The following ATP2B2 variants were observed in gnomAD, a reference collection of about 807,000 sequenced individuals.
ATP2B2 encodes ATPase plasma membrane Ca2+ transporting 2, also known as plasma membrane calcium-transporting ATPase 2.
Under a neutral mutation model 120.0 loss-of-function variants are expected in ATP2B2, and 15 were observed. The observed-to-expected ratio is 0.12, with a 90% CI of 0.08 to 0.19. The LOEUF is 0.19. Among genes scored for constraint, ATP2B2 ranks in the 10% least tolerant of loss-of-function variants. The pLI, the probability that ATP2B2 is intolerant of heterozygous loss-of-function variation, is 1.00. For synonymous variants in ATP2B2, 694 were observed against 700.3 expected, an observed-to-expected ratio of 0.99 and a Z score of 0.14; for missense variants, 1,045 against 1,719.8, an observed-to-expected ratio of 0.61 and a Z score of 6.94.
intron 1 of ATP2B2, among the ~76,000 whole-genome samples, chr3:10,642,982 G>A (rs764635146): frequency 2.0e-5 from 3 of 152,156 alleles, no homozygotes; most frequent in African/African-American, 2.4e-5. Context: ...GTTGACAGCA[G>A]GACTGGGGCA....
At chr3:10,350,689 T>C in intron 14 of ATP2B2, 112 bp from the exon 15 acceptor site, 1 of 1,155,816 alleles carries the variant, frequency 8.7e-7, no homozygotes, top group Non-Finnish European at 1.2e-6. Flanking sequence ...GAAAGGGGAC[T>C]AGATGACTAT....
chr3:10,526,514 A>C (rs183193847), intron 3 of ATP2B2, among the ~76,000 whole-genome samples: 190 of 152,254 alleles, frequency 1.2e-3, no homozygotes, highest in Non-Finnish European at 1.8e-3. Context: ...GGGCTTTTAG[A>C]GGGGTGCTGT....
chr3:10,424,374 G>A (rs1461480640), intron 2 of ATP2B2, among the ~76,000 whole-genome samples: 1 of 152,172 alleles, frequency 6.6e-6, no homozygotes, highest in East Asian at 1.9e-4. Context: ...TGAAATCAAA[G>A]CTGACAACTC....
chr3:10,536,419 CTCTTCT>C (rs762176837), intron 2 of ATP2B2, among the ~76,000 whole-genome samples: 36 of 148,148 alleles, frequency 2.4e-4, no homozygotes, highest in East Asian at 9.8e-4. Flanking sequence ...TCTTCTGCTT[CTCTTCT>C]TCTTCTTCTT....
At chr3:10,572,126 C>A (rs527364489) in intron 2 of ATP2B2, among the ~76,000 whole-genome samples, 1 of 152,294 alleles carries the variant, frequency 6.6e-6, no homozygotes, top group Non-Finnish European at 1.5e-5. Flanking sequence ...CTATTTTAAA[C>A]TTGTTGGTTG....
intron 3 of ATP2B2, among the ~76,000 whole-genome samples, chr3:10,403,696 C>G (rs1205872469): frequency 1.3e-5 from 2 of 152,214 alleles, no homozygotes; most frequent in Non-Finnish European, 2.9e-5. Flanking sequence ...CCACGGGGGC[C>G]AGGTGGGGCA....
chr3:10,531,106 T>A (rs568470073), intron 3 of ATP2B2, among the ~76,000 whole-genome samples: 1 of 152,332 alleles, frequency 6.6e-6, no homozygotes, highest in East Asian at 1.9e-4. Context: ...TGGAACATCT[T>A]GGCAGTTGCA....
In ATP2B2 at chr3:10,636,628, C is replaced by T. The variant is rs185297556; in HGVS notation, c.-459-16667G>A. Among the ~76,000 whole-genome samples, 272 of 152,202 alleles carry T rather than the reference C, an allele frequency of 1.8e-3. 1 individual carries two copies. Among genetic ancestry groups the T allele is most frequent in the African/African-American group, 6.3e-3 (260 of 41,528 alleles). On this transcript the variant is annotated intron_variant, in intron 1 of 21. Coordinates refer to the ATP2B2 transcript ENST00000646379. ...TATACAAAACAACAGTTTGTTTGCA[C>T]GATGCTGGACATCAGACAACAATGG...
At chr3:10,532,975 C>T (rs538608571) in intron 3 of ATP2B2, among the ~76,000 whole-genome samples, 46 of 152,174 alleles carry the variant, frequency 3.0e-4, no homozygotes, top group Non-Finnish European at 5.4e-4. Context: ...CTGGGAAGGT[C>T]AGATGAGATG....
chr3:10,668,019 C>G (rs186875964), intron 1 of ATP2B2, among the ~76,000 whole-genome samples: 3 of 152,168 alleles, frequency 2.0e-5, no homozygotes, highest in African/African-American at 7.2e-5. Context: ...GGGGTGGGGG[C>G]GCTCAGTGGC....
intron 14 of ATP2B2, among the ~76,000 whole-genome samples, chr3:10,352,357 C>T (rs1376794783): frequency 6.6e-6 from 1 of 152,238 alleles, no homozygotes; most frequent in South Asian, 2.1e-4. Flanking sequence ...TGCTCTCTTT[C>T]AGGGGTTCCA....
chr3:10,485,903 C>G (rs986519887), intron 1 of ATP2B2, among the ~76,000 whole-genome samples: 1 of 152,174 alleles, frequency 6.6e-6, no homozygotes, highest in African/African-American at 2.4e-5. Flanking sequence ...GATCCATGCT[C>G]TGAGCACCCA....
At position 10,679,781 on chromosome 3, in the gene ATP2B2, T is replaced by A. The variant is rs1407809941; in HGVS notation, c.-460+28134A>T. Reference sequence around the variant, plus strand: ...GAGCTGCAGAAAGATATGTGCAATCTGGTGCCATTTATGGAAAGCTTAAAA... The same window carrying A: ...GAGCTGCAGAAAGATATGTGCAATCAGGTGCCATTTATGGAAAGCTTAAAA... On this transcript the variant is annotated intron_variant, in intron 1 of 21. Transcript: ENST00000646379. Among the ~76,000 whole-genome samples, 55 of 152,192 alleles carry A rather than the reference T, an allele frequency of 3.6e-4. 2 individuals are homozygous for A. Among genetic ancestry groups the A allele is most frequent in the Admixed American group, 3.5e-3 (54 of 15,284 alleles).
At position 10,627,108 on chromosome 3, in the gene ATP2B2, TC is replaced by T. The variant is rs549985514; in HGVS notation, c.-459-7148del. The stretch of plus-strand genomic sequence containing the variant: ...TCAACTAATTCTCACCCTCCCAGCA[TC>T]CTGTGGCTCCTTTAAGGCCTGCCAG... On this transcript the variant is annotated intron_variant, in intron 1 of 21. Transcript: ENST00000646379. 2.1e-3 allele frequency among the ~76,000 whole-genome samples: 321 copies of T among 152,316 alleles called. 2 individuals are homozygous for T. The highest frequency in any genetic ancestry group is 0.019 in the Admixed American group (284 of 15,294).
At chr3:10,634,514 G>C (rs1443481273) in intron 1 of ATP2B2, among the ~76,000 whole-genome samples, 3 of 152,142 alleles carry the variant, frequency 2.0e-5, no homozygotes, top group African/African-American at 7.2e-5. Context: ...CCAGCCAACT[G>C]AACAATCTCC....
At chr3:10,454,290 CT>C (rs1179439359) in intron 1 of ATP2B2, among the ~76,000 whole-genome samples, 7 of 152,224 alleles carry the variant, frequency 4.6e-5, no homozygotes, top group African/African-American at 1.4e-4. Context: ...CCAGGAATGC[CT>C]TTCCTCTCAG....
At chr3:10,496,879 C>A (rs944509057) in intron 1 of ATP2B2, among the ~76,000 whole-genome samples, 1 of 152,238 alleles carries the variant, frequency 6.6e-6, no homozygotes, top group Non-Finnish European at 1.5e-5. Flanking sequence ...TCTTTGTCCT[C>A]CCCCCAACTC....
chr3:10,578,534 G>A (rs1277578119), intron 2 of ATP2B2, among the ~76,000 whole-genome samples: 1 of 141,404 alleles, frequency 7.1e-6, no homozygotes, highest in Non-Finnish European at 1.5e-5. Flanking sequence ...GTGACAGAGA[G>A]AGAGTCCATC....
intron 16 of ATP2B2, among the ~76,000 whole-genome samples, chr3:10,349,046 G>C (rs1239018028): frequency 6.6e-6 from 1 of 152,256 alleles, no homozygotes; most frequent in Non-Finnish European, 1.5e-5. Context: ...CTGATCTCCA[G>C]TGGAGCCCTG....
Sources: gnomAD v4.1 joint callset for allele counts (sites outside exome capture counted in the v4.1 genomes callset) on GRCh38, gnomAD v4.1.1 for gene constraint, MANE v1.5 for transcripts, NCBI Gene and HGNC (gene_info 2026-07-23, HGNC 2026-07-21) for gene names.